The following RAVER2 variants were observed in gnomAD, a reference collection of about 807,000 sequenced individuals.
RAVER2 encodes ribonucleoprotein, PTB binding 2.
Under a neutral mutation model 78.1 loss-of-function variants are expected in RAVER2, and 46 were observed. The observed-to-expected ratio is 0.59, with a 90% confidence interval of 0.46 to 0.75. The LOEUF (loss-of-function observed/expected upper bound fraction) is 0.75. Ranked by LOEUF, RAVER2 falls within the 30% of genes least tolerant of loss-of-function variation. The probability of loss-of-function intolerance (pLI) is 0.00; values close to 1 mark genes in which losing one functional copy is unlikely to be tolerated. For synonymous variants in RAVER2, 311 were observed against 313.3 expected, an observed-to-expected ratio of 0.99 and a Z score of 0.08; for missense variants, 793 against 837.5, an observed-to-expected ratio of 0.95 and a Z score of 0.66.
intron 11 of RAVER2, among the ~76,000 whole-genome samples, chr1:64,826,736 T>C (rs760561217): frequency 6.6e-5 from 10 of 152,134 alleles, no homozygotes; most frequent in Non-Finnish European, 1.3e-4. Context: ...ATGTAGAACA[T>C]AGCAGGGTCA....
At chr1:64,812,349 G>A (rs1038090906) in intron 9 of RAVER2, among the ~76,000 whole-genome samples, 1 of 119,566 alleles carries the variant, frequency 8.4e-6, no homozygotes. Context: ...GCAATAGAGT[G>A]AGATTCCATC....
intron 11 of RAVER2, among the ~76,000 whole-genome samples, chr1:64,828,633 G>A (rs1489367022): frequency 1.3e-5 from 2 of 151,564 alleles, no homozygotes; most frequent in African/African-American, 2.4e-5. Context: ...TATCACATGG[G>A]CTACAGTGAA....
rs536402716 is a variant in RAVER2 at position 64,745,368 on chromosome 1, A to G, written c.196A>G (p.Ser66Gly). The change falls in exon 1 of 12, where the codon AGC becomes GGC. Residue 66 changes from serine to glycine, a missense_variant. By Grantham distance (56) the Ser-to-Gly change is moderately conservative. Transcript: ENST00000294428. This position sits in a 1 kb window ranked among gnomAD's most constrained non-coding sequence, Gnocchi z 4.3. ...ACTGCAGCGGATGCAGCGGGAGCTG[A>G]GCAACCGCAGGAAAATCCTGGTGAA... is the stretch of plus-strand genomic sequence containing the variant. 1.1e-5 allele frequency: 17 copies of G among 1,543,264 alleles called. No homozygotes were observed. In the Admixed American group the frequency reaches 3.3e-4, roughly 30 times the overall value.
In RAVER2 at chr1:64,781,373, G is replaced by C. The variant is rs771676373; in HGVS notation, c.787-7G>C. The C allele has an allele frequency of 2.5e-6, 4 of 1,575,622 alleles. No homozygotes were observed. The South Asian group carries it at 3.5e-5, about 14-fold the overall frequency. On this transcript the variant is annotated splice_region_variant and splice_polypyrimidine_tract_variant and intron_variant, in intron 3 of 11. Transcript: ENST00000294428. ...GAATTACTGTTTAATAGAATGTATT[G>C]TATCAGCTTGCACAGGATGAAGGTA... is the stretch of plus-strand genomic sequence containing the variant.
chr1:64,779,735 T>C (rs1368772138), intron 3 of RAVER2, among the ~76,000 whole-genome samples: 1 of 151,810 alleles, frequency 6.6e-6, no homozygotes, highest in South Asian at 2.1e-4. Context: ...TTGAAGCAGA[T>C]GCGAAGAGAA....
At chr1:64,830,729 C>G in intron 11 of RAVER2, 110 bp from the exon 12 acceptor site, 1 of 983,194 alleles carries the variant, frequency 1.0e-6, no homozygotes, top group Non-Finnish European at 1.5e-6. Context: ...GGTATTTATC[C>G]TGTTATTCTA....
chr1:64,799,671 C>T (rs773789133), intron 5 of RAVER2, among the ~76,000 whole-genome samples: 19 of 152,104 alleles, frequency 1.2e-4, no homozygotes, highest in Non-Finnish European at 2.6e-4. Flanking sequence ...GAGCTCCTGA[C>T]CTCCAGTGAT....
At chr1:64,768,238 A>G (rs1258549974) in intron 1 of RAVER2, among the ~76,000 whole-genome samples, 1 of 152,016 alleles carries the variant, frequency 6.6e-6, no homozygotes, top group Non-Finnish European at 1.5e-5. Flanking sequence ...CATTGTTAGC[A>G]TAAAGGTGGG....
chr1:64,807,935 C>T (rs1653489857), intron 9 of RAVER2, among the ~76,000 whole-genome samples: 1 of 152,252 alleles, frequency 6.6e-6, no homozygotes, highest in South Asian at 2.1e-4. Context: ...AGTATCAATG[C>T]TTATTCGCTT....
intron 11 of RAVER2, among the ~76,000 whole-genome samples, chr1:64,827,361 A>G (rs114685294): frequency 9.8e-4 from 149 of 152,262 alleles, no homozygotes; most frequent in African/African-American, 3.5e-3. Flanking sequence ...ATATAGTAGG[A>G]TTGCCCAGGG....
chr1:64,787,645 A>G (rs1335761553), intron 4 of RAVER2, among the ~76,000 whole-genome samples: 3 of 152,072 alleles, frequency 2.0e-5, no homozygotes, highest in Non-Finnish European at 4.4e-5. Flanking sequence ...GCCTAGTGTT[A>G]TCTTGTCCCC....
chr1:64,780,170 A>G (rs1358238342), intron 3 of RAVER2, among the ~76,000 whole-genome samples: 1 of 152,166 alleles, frequency 6.6e-6, no homozygotes, highest in Non-Finnish European at 1.5e-5. Context: ...GCTCTTTTGC[A>G]TGGTAGATTG....
chr1:64,787,671 G>T (rs575794687), intron 4 of RAVER2, among the ~76,000 whole-genome samples: 288 of 152,312 alleles, frequency 1.9e-3, no homozygotes, highest in African/African-American at 6.6e-3. Context: ...CTCTGCACTT[G>T]TGTGCCATCC....
At chr1:64,778,437 A>C (rs1251225260) in intron 3 of RAVER2, among the ~76,000 whole-genome samples, 1 of 152,208 alleles carries the variant, frequency 6.6e-6, no homozygotes, top group Admixed American at 6.5e-5. Context: ...AGTGTCAGAA[A>C]GGCAGAGAAT....
At chr1:64,747,388 A>G (rs1237059891) in intron 1 of RAVER2, among the ~76,000 whole-genome samples, 2 of 152,218 alleles carry the variant, frequency 1.3e-5, no homozygotes, top group African/African-American at 4.8e-5. Flanking sequence ...CTAAAACTAC[A>G]TATTTACCCT....
intron 11 of RAVER2, among the ~76,000 whole-genome samples, chr1:64,819,676 C>A (rs890774492): frequency 6.6e-6 from 1 of 152,190 alleles, no homozygotes; most frequent in African/African-American, 2.4e-5. Flanking sequence ...GAAATTTTTA[C>A]CTAGGCACAT....
chr1:64,779,921 A>G (rs1453490460), intron 3 of RAVER2, among the ~76,000 whole-genome samples: 3 of 151,966 alleles, frequency 2.0e-5, no homozygotes. Flanking sequence ...CTACATCACA[A>G]GTCAGACCAT....
At chr1:64,800,309 A>G (rs1339545712) in intron 5 of RAVER2, among the ~76,000 whole-genome samples, 3 of 152,034 alleles carry the variant, frequency 2.0e-5, no homozygotes, top group Non-Finnish European at 2.9e-5. Context: ...CCATTTGTCT[A>G]TTTTTGATTT....
At chr1:64,780,493 A>T (rs1652598018) in intron 3 of RAVER2, among the ~76,000 whole-genome samples, 1 of 152,210 alleles carries the variant, frequency 6.6e-6, no homozygotes, top group Admixed American at 6.5e-5. Context: ...AAAGAAACTG[A>T]GAAGGACTAA....
Sources: allele counts gnomAD v4.1 joint callset (sites outside exome capture counted in the v4.1 genomes callset), GRCh38; gene constraint gnomAD v4.1.1; non-coding constraint Gnocchi (gnomAD v3.1); transcripts MANE v1.5; gene names NCBI Gene and HGNC (gene_info 2026-07-23, HGNC 2026-07-21).